The following GAS2L3 variants were observed in gnomAD, a reference collection of about 807,000 sequenced individuals.
GAS2L3 encodes GAS2-like protein 3.
Under a neutral mutation model 37.0 loss-of-function variants are expected in GAS2L3, and 28 were observed. The observed-to-expected ratio is 0.76, with a 90% CI of 0.56 to 1.04. GAS2L3 has a LOEUF of 1.04. Ranked by LOEUF, GAS2L3 falls within the 50% of genes least tolerant of loss-of-function variation. GAS2L3 has a pLI of 0.00. For synonymous variants in GAS2L3, 290 were observed against 296.6 expected (o/e 0.98, Z 0.23); for missense variants, 793 against 817.6 (o/e 0.97, Z 0.37).
At chr12:100,600,652 A>G (rs1955976691) in intron 4 of GAS2L3, 102 bp downstream of exon 4, 1 of 927,862 alleles carries the variant, frequency 1.1e-6, no homozygotes, top group South Asian at 1.4e-5. Context: ...GATGCTGGGG[A>G]TACTCCAGTG....
chr12:100,622,784 AAAAG>A (rs1479873310), intron 9 of GAS2L3, among the ~76,000 whole-genome samples: 2 of 105,258 alleles, frequency 1.9e-5, no homozygotes, highest in African/African-American at 6.2e-5. Context: ...AAAAAAAAAG[AAAAG>A]AAAGAAGTGT....
intron 5 of GAS2L3, 129 bp downstream of exon 5, chr12:100,601,882 C>T (rs1955994884): frequency 2.2e-6 from 1 of 451,930 alleles, no homozygotes; most frequent in Non-Finnish European, 4.0e-6. Context: ...TTACTTAACC[C>T]TTTTCAAGAT....
At chr12:100,606,374 T>C (rs975189044) in intron 5 of GAS2L3, among the ~76,000 whole-genome samples, 1 of 152,128 alleles carries the variant, frequency 6.6e-6, no homozygotes, top group African/African-American at 2.4e-5. Context: ...TTTCAGTCTA[T>C]GTGTGTCTTC....
At chr12:100,613,598 CTT>C (rs1230483335) in intron 6 of GAS2L3, among the ~76,000 whole-genome samples, 21 of 141,070 alleles carry the variant, frequency 1.5e-4, no homozygotes, top group Admixed American at 2.1e-4. Context: ...CCATTTCTTT[CTT>C]TTTTTTTTTT....
At chr12:100,575,845 T>C (rs995897614) in intron 1 of GAS2L3, among the ~76,000 whole-genome samples, 1 of 152,212 alleles carries the variant, frequency 6.6e-6, no homozygotes, top group Non-Finnish European at 1.5e-5. Context: ...AGGGTTCACC[T>C]GGAATTCAGT....
At chr12:100,611,494 A>G (rs1565809391) in intron 5 of GAS2L3, among the ~76,000 whole-genome samples, 3 of 152,312 alleles carry the variant, frequency 2.0e-5, no homozygotes, top group South Asian at 4.2e-4. Flanking sequence ...TCTGGAATAT[A>G]CTTTAAAGCA....
chr12:100,618,648 C>T lies in GAS2L3; in HGVS notation c.648+61C>T. The T allele has an allele frequency of 2.1e-6, 3 of 1,456,976 alleles. No individual in the cohort carries two copies. In the South Asian group the frequency reaches 4.0e-5, roughly 19 times the overall value. The allele number at this position is 1,456,976 out of a possible 1,614,324, so 90.3% of individuals were successfully genotyped here. A position where few individuals can be genotyped will look rare whatever the true frequency, so the allele number is the denominator to read the frequency against. ...CCTTGAAGTCTCATAGTTTTAAGCA[C>T]TTCTAGTGTGCTACAGGTGATGCTA... On this transcript the variant is annotated intron_variant, in intron 8 of 9. Transcript: ENST00000547754.
chr12:100,594,605 A>G (rs947781703), intron 2 of GAS2L3, among the ~76,000 whole-genome samples: 2 of 151,928 alleles, frequency 1.3e-5, no homozygotes, highest in African/African-American at 4.8e-5. Context: ...AAAACTGTCC[A>G]GATGGTTCAA....
chr12:100,574,393 A>AGCTG (rs1955610110), intron 1 of GAS2L3, among the ~76,000 whole-genome samples: 1 of 152,106 alleles, frequency 6.6e-6, no homozygotes, highest in Non-Finnish European at 1.5e-5. Flanking sequence ...TGGGGAATAG[A>AGCTG]GCTGGAGACC....
At chr12:100,575,724 C>T (rs879851617) in intron 1 of GAS2L3, among the ~76,000 whole-genome samples, 5 of 151,960 alleles carry the variant, frequency 3.3e-5, no homozygotes, top group Non-Finnish European at 5.9e-5. Flanking sequence ...GTGTTCCGCC[C>T]GACTCGGCCT....
chr12:100,591,553 A>G (rs1221227008), intron 1 of GAS2L3, among the ~76,000 whole-genome samples, 183 bp from the exon 2 acceptor site: 1 of 152,186 alleles, frequency 6.6e-6, no homozygotes, highest in East Asian at 1.9e-4. Context: ...GAGTATTACT[A>G]GCTTTGTTTT....
chr12:100,617,686 G>C, intron 6 of GAS2L3, 58 bp from the exon 7 acceptor site: 1 of 1,037,416 alleles, frequency 9.6e-7, no homozygotes, highest in Non-Finnish European at 1.5e-6. Context: ...TTCCATGCCA[G>C]AAATATGTTT....
chr12:100,601,552 T>C (rs534806364), intron 4 of GAS2L3, 86 bp from the exon 5 acceptor site: 1 of 713,336 alleles, frequency 1.4e-6, no homozygotes, highest in South Asian at 1.6e-5. Flanking sequence ...TCTAGTGTTT[T>C]GCTGTAATCT....
intron 2 of GAS2L3, 68 bp from the exon 3 acceptor site, chr12:100,594,807 T>C (rs1050384082): frequency 8.0e-5 from 38 of 475,458 alleles, no homozygotes; most frequent in Non-Finnish European, 1.1e-5. Flanking sequence ...ATCTTGTAAT[T>C]TGGGGGTTTG....
chr12:100,581,026 A>G (rs969458321), intron 1 of GAS2L3, among the ~76,000 whole-genome samples: 2 of 152,138 alleles, frequency 1.3e-5, no homozygotes, highest in Non-Finnish European at 2.9e-5. Flanking sequence ...GTTGATGAAG[A>G]TATTTTTTGC....
rs200322137 is a variant in GAS2L3 at position 100,600,418 on chromosome 12, A to G, written c.55A>G (p.Ser19Gly). The change falls in exon 4 of 10, where the codon AGT (serine) becomes GGT (glycine). Residue 19 changes from serine (S) to glycine (G), a missense_variant. Transcript: ENST00000547754. Reference protein sequence around the residue: ...FGEDLPLSPRSPLTPRHGPGL... With the variant: ...FGEDLPLSPRGPLTPRHGPGL... ...AGAAGATCTGCCTCTAAGTCCTCGGAGTCCTCTGACTCCCAGACACGGACC... is the reference window on the plus strand; with the variant it reads ...AGAAGATCTGCCTCTAAGTCCTCGGGGTCCTCTGACTCCCAGACACGGACC... 3.6e-4 allele frequency: 584 copies of G among 1,608,466 alleles called. No homozygotes were observed. The highest frequency in any genetic ancestry group is 4.8e-4 in the Non-Finnish European group (560 of 1,178,118).
intron 1 of GAS2L3, among the ~76,000 whole-genome samples, chr12:100,582,456 G>T (rs1955725479): frequency 6.6e-6 from 1 of 152,188 alleles, no homozygotes; most frequent in South Asian, 2.1e-4. Flanking sequence ...TGGGCTCAGA[G>T]GCCTGACAGA....
Position 100,606,121 on chromosome 12 carries a change from C to G in GAS2L3, c.303+4368C>G, listed in dbSNP as rs556848886. The stretch of plus-strand genomic sequence containing the variant: ...TCCAGCTGTTACTGTATTGGAGTCT[C>G]TCTCTCTCTTTAGCTGTATTAATAT... On this transcript the variant is annotated intron_variant, in intron 5 of 9. Coordinates refer to ENST00000547754, the MANE Select transcript of GAS2L3 (RefSeq NM_174942.3). Among the ~76,000 whole-genome samples the G allele has an allele frequency of 2.6e-5, 4 of 151,812 alleles. No homozygotes were observed. The South Asian group carries it at 6.2e-4, about 24-fold the overall frequency.
At position 100,600,570 on chromosome 12, in the gene GAS2L3, C is replaced by A; in HGVS notation, c.187+20C>A. The A allele has an allele frequency of 3.1e-6, 5 of 1,587,906 alleles. No individual in the cohort carries two copies. The highest frequency in any genetic ancestry group is 4.3e-6 in the Non-Finnish European group (5 of 1,157,666). ...TATTAGGTGAGGCTTGAAACAATAC[C>A]CAAAATTGTATTATCTTATTCAATA... On this transcript the variant is annotated intron_variant, in intron 4 of 9. Coordinates refer to ENST00000547754, the MANE Select transcript of GAS2L3 (RefSeq NM_174942.3).
Sources: gnomAD v4.1 joint callset for allele counts (sites outside exome capture counted in the v4.1 genomes callset) on GRCh38, gnomAD v4.1.1 for gene constraint, MANE v1.5 for transcripts, NCBI Gene and HGNC (gene_info 2026-07-23, HGNC 2026-07-21) for gene names.